GSK3B: variants seen among roughly 807,000 people sequenced by gnomAD.
GSK3B encodes glycogen synthase kinase-3 beta.
In GSK3B, 15 loss-of-function variants were observed where a neutral mutation model predicts 56.4. The ratio of observed to expected loss-of-function variants is 0.27; its 90% CI spans 0.18 to 0.41. The LOEUF is 0.41. Among genes scored for constraint, GSK3B ranks in the 10% least tolerant of loss-of-function variants. The probability of loss-of-function intolerance (pLI) is 1.00; values close to 1 mark genes in which losing one functional copy is unlikely to be tolerated. For missense variants in GSK3B, 300 were observed against 513.4 expected, an observed-to-expected ratio of 0.58 and a Z score of 4.02; for synonymous variants, 181 against 188.9, an observed-to-expected ratio of 0.96 and a Z score of 0.34.
Position 119,931,087 on chromosome 3 carries a change from C to T in GSK3B, c.367-7604G>A, listed in dbSNP as rs1231826015. Among the ~76,000 whole-genome samples the T allele has an allele frequency of 2.0e-5, 3 of 152,170 alleles. No individual in the cohort carries two copies. The East Asian group carries it at 5.8e-4, about 29-fold the overall frequency. On this transcript the variant is annotated intron_variant, in intron 3 of 10. Coordinates refer to ENST00000264235, the MANE Select transcript of GSK3B (RefSeq NM_001146156.2). ...GACAGTGCCCATCCCTAGGAAACAC[C>T]ATATGTAGGGAAAACAGTAGTATTT...
chr3:119,973,931 T>C (rs564005147), intron 2 of GSK3B, among the ~76,000 whole-genome samples: 32 of 152,272 alleles, frequency 2.1e-4, no homozygotes, highest in African/African-American at 5.8e-4. Flanking sequence ...AATCTAAGCA[T>C]AGACCTTATA....
intron 2 of GSK3B, among the ~76,000 whole-genome samples, chr3:119,952,469 CAG>C (rs2057166983): frequency 7.9e-6 from 1 of 125,898 alleles, no homozygotes; most frequent in African/African-American, 3.1e-5. Context: ...GCCTGGCTGA[CAG>C]AGAGAGACTC....
At chr3:120,069,300 T>A (rs905574086) in intron 1 of GSK3B, among the ~76,000 whole-genome samples, 3 of 151,998 alleles carry the variant, frequency 2.0e-5, no homozygotes, top group African/African-American at 7.3e-5. Flanking sequence ...GAAGAGAAAA[T>A]TTTTCAGAGT....
intron 1 of GSK3B, among the ~76,000 whole-genome samples, chr3:120,069,154 C>T (rs898760948): frequency 6.6e-6 from 1 of 152,164 alleles, no homozygotes; most frequent in African/African-American, 2.4e-5. Flanking sequence ...AATGTCCTGA[C>T]AGGGACGAAG....
chr3:120,007,700 T>A (rs974401960), intron 1 of GSK3B, among the ~76,000 whole-genome samples: 1 of 152,170 alleles, frequency 6.6e-6, no homozygotes, highest in Admixed American at 6.5e-5. Flanking sequence ...AGAAAAGGCA[T>A]TCAACAAAAT....
chr3:119,842,311 T>C (rs1247893988), intron 10 of GSK3B, among the ~76,000 whole-genome samples: 1 of 152,160 alleles, frequency 6.6e-6, no homozygotes, highest in East Asian at 1.9e-4. Context: ...CTCTAACCCG[T>C]GAATAATTTT....
intron 1 of GSK3B, among the ~76,000 whole-genome samples, chr3:120,055,475 T>C (rs1476672107): frequency 2.6e-5 from 4 of 152,218 alleles, no homozygotes; most frequent in Non-Finnish European, 5.9e-5. Context: ...ATGTACATTT[T>C]AAATTACTTT....
At chr3:120,006,440 C>T (rs1186814595) in intron 1 of GSK3B, among the ~76,000 whole-genome samples, 1 of 152,208 alleles carries the variant, frequency 6.6e-6, no homozygotes, top group Non-Finnish European at 1.5e-5. Flanking sequence ...GAACTCTGCA[C>T]CCCAAATAAA....
chr3:120,022,888 T>C lies in GSK3B; in HGVS notation c.89-20649A>G, dbSNP rs181048996. On this transcript the variant is annotated intron_variant, in intron 1 of 10. Transcript: ENST00000264235. ...GACTAATCCTCTTATTGGTGGGTCATGGAAGAATGTCTTAGGACATCCGAT... is the reference window on the plus strand; with the variant it reads ...GACTAATCCTCTTATTGGTGGGTCACGGAAGAATGTCTTAGGACATCCGAT... Among the ~76,000 whole-genome samples the C allele has an allele frequency of 5.9e-5, 9 of 152,370 alleles. No homozygotes were observed. In the East Asian group the frequency reaches 1.7e-3, roughly 29 times the overall value.
chr3:119,859,606 C>T (rs141747269), intron 9 of GSK3B, among the ~76,000 whole-genome samples: 232 of 152,262 alleles, frequency 1.5e-3, no homozygotes, highest in Middle Eastern at 3.4e-3. Flanking sequence ...TTCTGTAACA[C>T]ATTCTTATAC....
chr3:120,025,661 C>T (rs2057916423), intron 1 of GSK3B, among the ~76,000 whole-genome samples: 1 of 152,142 alleles, frequency 6.6e-6, no homozygotes, highest in South Asian at 2.1e-4. Flanking sequence ...AGAACTGACT[C>T]AGGATGATCA....
intron 1 of GSK3B, among the ~76,000 whole-genome samples, chr3:120,080,778 C>T (rs1258104227): frequency 2.0e-5 from 3 of 151,838 alleles, no homozygotes; most frequent in African/African-American, 7.3e-5. Flanking sequence ...TTGCAGTGAG[C>T]CAAATCACGC....
intron 3 of GSK3B, among the ~76,000 whole-genome samples, chr3:119,940,016 T>C (rs1416246702): frequency 6.6e-6 from 1 of 151,630 alleles, no homozygotes; most frequent in Non-Finnish European, 1.5e-5. Flanking sequence ...GAACTAATGG[T>C]TAGAGGTAAT....
At chr3:119,923,876 GA>G (rs1186099924) in intron 3 of GSK3B, among the ~76,000 whole-genome samples, 1 of 152,076 alleles carries the variant, frequency 6.6e-6, no homozygotes, top group African/African-American at 2.4e-5. Flanking sequence ...CTGAAACTAA[GA>G]AACATGGATT....
intron 7 of GSK3B, among the ~76,000 whole-genome samples, chr3:119,899,047 G>A (rs2056600407): frequency 6.6e-6 from 1 of 152,066 alleles, no homozygotes; most frequent in African/African-American, 2.4e-5. Context: ...TGTACACCAG[G>A]AGGAGGATCA....
chr3:120,050,858 G>C (rs1337363217), intron 1 of GSK3B, among the ~76,000 whole-genome samples: 3 of 152,146 alleles, frequency 2.0e-5, no homozygotes, highest in Non-Finnish European at 4.4e-5. Flanking sequence ...CAGATCACTA[G>C]GGTAGAAGGA....
chr3:119,926,179 T>C (rs994256150), intron 3 of GSK3B, among the ~76,000 whole-genome samples: 3 of 152,090 alleles, frequency 2.0e-5, no homozygotes, highest in East Asian at 3.9e-4. Context: ...AATACAACTA[T>C]ACACTGATTA....
chr3:119,843,409 C>G, intron 9 of GSK3B, 56 bp from the exon 10 acceptor site: 1 of 938,564 alleles, frequency 1.1e-6, no homozygotes, highest in Non-Finnish European at 1.7e-6. Context: ...GTATGCAAAA[C>G]TATTTTATTG....
chr3:119,998,193 C>G (rs181234007), intron 2 of GSK3B, among the ~76,000 whole-genome samples: 1 of 152,152 alleles, frequency 6.6e-6, no homozygotes, highest in African/African-American at 2.4e-5. Context: ...ATACCTGCCT[C>G]CTGGTATTCA....
Sources: gnomAD v4.1 joint callset for allele counts (sites outside exome capture counted in the v4.1 genomes callset) on GRCh38, gnomAD v4.1.1 for gene constraint, MANE v1.5 for transcripts, NCBI Gene and HGNC (gene_info 2026-07-23, HGNC 2026-07-21) for gene names.